The following ELAVL4 variants were observed in gnomAD, a reference collection of about 807,000 sequenced individuals.
ELAVL4 encodes ELAV-like protein 4.
A neutral mutation model predicts 35.6 loss-of-function variants in ELAVL4; 1 was observed. The ratio of observed to expected loss-of-function variants is 0.03; its 90% CI spans 0.01 to 0.13. The LOEUF (loss-of-function observed/expected upper bound fraction) is 0.13. ELAVL4 is among the 10% of genes least tolerant of loss of function. The probability of loss-of-function intolerance (pLI) is 1.00; values close to 1 mark genes in which losing one functional copy is unlikely to be tolerated. For synonymous variants in ELAVL4, 156 were observed against 171.0 expected (o/e 0.91, Z 0.69); for missense variants, 267 against 464.9 (o/e 0.57, Z 3.91).
At chr1:50,102,114 T>C (rs1308236906), upstream of ELAVL4, among the ~76,000 whole-genome samples, 1 of 151,870 alleles carries the variant, frequency 6.6e-6, no homozygotes, top group Non-Finnish European at 1.5e-5. Context: ...GGTGAAACCC[T>C]GCCTCTACTA....
intron 1 of ELAVL4, among the ~76,000 whole-genome samples, chr1:50,125,253 AT>A (rs1213372086): frequency 6.6e-6 from 1 of 152,020 alleles, no homozygotes; most frequent in African/African-American, 2.4e-5. Context: ...AAAAAAAAAA[AT>A]AAAAGTAGAT....
At chr1:50,189,754 C>A (rs1682389893) in intron 3 of ELAVL4, among the ~76,000 whole-genome samples, 1 of 152,200 alleles carries the variant, frequency 6.6e-6, no homozygotes, top group African/African-American at 2.4e-5. Context: ...TAGGTATGTG[C>A]TAGACAAATA....
At chr1:50,078,869 G>A (rs749374698) in intron 1 of ELAVL4, among the ~76,000 whole-genome samples, 19 of 152,118 alleles carry the variant, frequency 1.2e-4, no homozygotes, top group Non-Finnish European at 8.8e-5. Context: ...TGCAGGTTAT[G>A]GCTGTTTATG....
chr1:50,197,515 G>T, intron 6 of ELAVL4, 48 bp downstream of exon 6: 1 of 1,485,844 alleles, frequency 6.7e-7, no homozygotes, highest in South Asian at 1.4e-5. Flanking sequence ...GGCACAGACT[G>T]GGGCTAGAAT....
At chr1:50,165,668 A>G (rs1677698130) in intron 2 of ELAVL4, among the ~76,000 whole-genome samples, 1 of 148,352 alleles carries the variant, frequency 6.7e-6, no homozygotes, top group Non-Finnish European at 1.5e-5. Flanking sequence ...GTATATATGT[A>G]TATGTGTGCA....
At chr1:50,121,394 G>A (rs912937335) in intron 1 of ELAVL4, among the ~76,000 whole-genome samples, 1 of 151,816 alleles carries the variant, frequency 6.6e-6, no homozygotes, top group African/African-American at 2.4e-5. Flanking sequence ...GGTCTCGACC[G>A]GCATTAAAAA....
At position 50,049,241 on chromosome 1, in the gene ELAVL4, A is replaced by ATAC. The variant is rs550138569; in HGVS notation, c.18+1060_18+1061insACT. 3.9e-5 allele frequency among the ~76,000 whole-genome samples: 6 copies of ATAC among 152,306 alleles called. No homozygotes were observed. In the South Asian group the frequency reaches 1.2e-3, roughly 32 times the overall value. On this transcript the variant is annotated intron_variant, in intron 1 of 6. Coordinates refer to the ELAVL4 transcript ENST00000448907. The stretch of plus-strand genomic sequence containing the variant: ...CCATGCCCCTTACCTAAATGCTTTA[A>ATAC]TTTAGTAGAGCTCCTTGAGAAGCTG...
At chr1:50,199,654 G>A (rs1288317870) in intron 6 of ELAVL4, among the ~76,000 whole-genome samples, 6 of 151,080 alleles carry the variant, frequency 4.0e-5, no homozygotes, top group African/African-American at 1.5e-4. Context: ...GTTACAATGA[G>A]CCAAGATAAC....
At chr1:50,109,953 G>A (rs1160252807) in intron 1 of ELAVL4, 1 of 1,612,334 alleles carries the variant, frequency 6.2e-7, no homozygotes, top group East Asian at 2.2e-5. Flanking sequence ...GGAGTGGAAT[G>A]GCTTGAAGAT....
At chr1:50,164,369 G>C (rs539365179) in intron 2 of ELAVL4, among the ~76,000 whole-genome samples, 8 of 152,108 alleles carry the variant, frequency 5.3e-5, no homozygotes, top group African/African-American at 1.9e-4. Flanking sequence ...CCTTAAAAAA[G>C]CATTATTAGA....
intron 1 of ELAVL4, among the ~76,000 whole-genome samples, chr1:50,065,312 C>T (rs757623044): frequency 1.3e-5 from 2 of 152,006 alleles, no homozygotes; most frequent in African/African-American, 2.4e-5. Flanking sequence ...CAGATTATAC[C>T]GGAGAAGACT....
chr1:50,171,205 C>T (rs1407654003), intron 2 of ELAVL4, among the ~76,000 whole-genome samples: 1 of 152,096 alleles, frequency 6.6e-6, no homozygotes. Context: ...ATAGGTGCTC[C>T]AGAACCCCAA....
At chr1:50,118,965 G>A (rs764123525) in intron 1 of ELAVL4, among the ~76,000 whole-genome samples, 20 of 95,824 alleles carry the variant, frequency 2.1e-4, no homozygotes, top group Non-Finnish European at 2.7e-4. Flanking sequence ...AGAGAGAGAG[G>A]GAGGGAGGGA....
At chr1:50,188,219 G>A (rs1682127841) in intron 3 of ELAVL4, among the ~76,000 whole-genome samples, 2 of 152,194 alleles carry the variant, frequency 1.3e-5, no homozygotes. Flanking sequence ...AACTTTTGGG[G>A]CCACTTCCAG....
chr1:50,145,206 A>G lies in ELAVL4; in HGVS notation c.250+9A>G. ...GAGAGACAAAATTACAGGTATGCAC[A>G]GGATTTGAAGCTATGTTGTTCCATT... On this transcript the variant is annotated intron_variant, in intron 2 of 6. Coordinates refer to ENST00000371824, the MANE Select transcript of ELAVL4 (RefSeq NM_001144774.3). 6.2e-7 allele frequency: 1 copy of G among 1,613,736 alleles called. No individual in the cohort carries two copies. Among genetic ancestry groups the G allele is most frequent in the African/African-American group, 1.3e-5 (1 of 75,002 alleles).
chr1:50,113,367 A>AT (rs1667404920), intron 1 of ELAVL4, among the ~76,000 whole-genome samples: 1 of 151,954 alleles, frequency 6.6e-6, no homozygotes, highest in African/African-American at 2.4e-5. Context: ...CCTTATTTTA[A>AT]TTTTTTTAAA....
chr1:50,070,998 C>G (rs1664492630), intron 1 of ELAVL4, among the ~76,000 whole-genome samples: 1 of 152,114 alleles, frequency 6.6e-6, no homozygotes, highest in African/African-American at 2.4e-5. Context: ...GGCCCTCTTG[C>G]TCTTGTTCCA....
intron 1 of ELAVL4, among the ~76,000 whole-genome samples, chr1:50,133,622 A>AGAAAGAAAGAAC (rs1491259159): frequency 1.3e-5 from 2 of 150,670 alleles, no homozygotes; most frequent in African/African-American, 4.9e-5. Context: ...AAAGAAAGAA[A>AGAAAGAAAGAAC]GAAAGAAAGA....
chr1:50,150,647 T>A (rs1385338702), intron 2 of ELAVL4, among the ~76,000 whole-genome samples: 2 of 152,208 alleles, frequency 1.3e-5, no homozygotes, highest in Non-Finnish European at 2.9e-5. Flanking sequence ...TGGATTGTTT[T>A]AATGTACCTT....
Sources: gnomAD v4.1 joint callset for allele counts (sites outside exome capture counted in the v4.1 genomes callset) on GRCh38, gnomAD v4.1.1 for gene constraint, MANE v1.5 for transcripts, NCBI Gene and HGNC (gene_info 2026-07-23, HGNC 2026-07-21) for gene names.